SIPA1L2: variants seen among roughly 807,000 people sequenced by gnomAD.
SIPA1L2 encodes signal induced proliferation associated 1 like 2.
SIPA1L2 carries 56 observed loss-of-function variants against 163.9 expected under a neutral mutation model. That is an observed-to-expected ratio of 0.34 (90% CI 0.28 to 0.43). SIPA1L2 has a LOEUF of 0.43. Ranked by LOEUF, SIPA1L2 falls within the 20% of genes least tolerant of loss-of-function variation. The pLI is 1.00. For missense variants in SIPA1L2, 1,974 were observed against 2,193.5 expected, an observed-to-expected ratio of 0.90 and a Z score of 2.00; for synonymous variants, 877 against 865.7, an observed-to-expected ratio of 1.01 and a Z score of -0.23.
intron 7 of SIPA1L2, 139 bp downstream of exon 7, chr1:232,479,488 A>C (rs975260602): frequency 4.5e-5 from 30 of 673,224 alleles, no homozygotes; most frequent in Non-Finnish European, 7.2e-5. Context: ...CCAAATGATC[A>C]AAGAGTCAAA....
Position 232,515,021 on chromosome 1 carries a change from A to T in SIPA1L2, c.319T>A (p.Tyr107Asn). ...TGCAGGACAGAAGTGATGCTTTCAT[A>T]ACTGGTCTGAGACCGGCTTTCCCAC... Reference protein sequence around the residue: ...ALWESRSQTSYESITSVLQNG... With the variant: ...ALWESRSQTSNESITSVLQNG... Residue 107 changes from tyrosine (Y) to asparagine (N), a missense_variant, in exon 3 of 23, where the codon TAT becomes AAT. Physicochemically the swap from Tyr to Asn is moderately radical, Grantham distance 143 (BLOSUM62 -2). Transcript: ENST00000674635. The T allele has an allele frequency of 1.2e-6, 2 of 1,614,136 alleles. No homozygotes were observed. Among genetic ancestry groups the T allele is most frequent in the South Asian group, 2.2e-5 (2 of 91,082 alleles).
chr1:232,610,254 G>GA (rs1368477630), intron 1 of SIPA1L2, among the ~76,000 whole-genome samples: 4 of 152,114 alleles, frequency 2.6e-5, no homozygotes, highest in Non-Finnish European at 5.9e-5. Flanking sequence ...TGAGGGATTG[G>GA]AAATTAAGGA....
intron 10 of SIPA1L2, among the ~76,000 whole-genome samples, chr1:232,451,403 A>G (rs939979487): frequency 6.6e-6 from 1 of 152,140 alleles, no homozygotes; most frequent in African/African-American, 2.4e-5. Flanking sequence ...ACCCCAGCTC[A>G]TGTGGAGTGT....
chr1:232,547,504 C>T (rs373444092), intron 2 of SIPA1L2, among the ~76,000 whole-genome samples: 2 of 131,526 alleles, frequency 1.5e-5, no homozygotes, highest in South Asian at 2.5e-4. Flanking sequence ...TCTATTCAAG[C>T]GTGTTTCCAG....
chr1:232,425,580 C>T lies in SIPA1L2; in HGVS notation c.4630+9G>A, dbSNP rs1380382595. The T allele has an allele frequency of 1.9e-6, 3 of 1,560,210 alleles. No individual in the cohort carries two copies. Among genetic ancestry groups the T allele is most frequent in the African/African-American group, 1.3e-5 (1 of 74,182 alleles). Reference sequence around the variant, plus strand: ...GCGCTGGCCAGGGAGCAGCCAGCCCCTCACTTACTTCTCAGGCTCCCCATG... The same window carrying T: ...GCGCTGGCCAGGGAGCAGCCAGCCCTTCACTTACTTCTCAGGCTCCCCATG... On this transcript the variant is annotated intron_variant, in intron 18 of 22. Coordinates refer to ENST00000674635, the MANE Select transcript of SIPA1L2 (RefSeq NM_020808.5).
rs1316895847 is a variant in SIPA1L2, at chr1:232,601,763, T to A, written c.-318-27541A>T. On this transcript the variant is annotated intron_variant, in intron 1 of 22. Transcript: ENST00000674635. The stretch of plus-strand genomic sequence containing the variant: ...GTCAAAGGTAACAATTTTACTTGTA[T>A]TCTTTACAGTACATTTTTCAACCAG... 2.0e-5 allele frequency among the ~76,000 whole-genome samples: 3 copies of A among 152,230 alleles called. No homozygotes were observed. In the East Asian group the frequency reaches 5.8e-4, roughly 29 times the overall value.
intron 1 of SIPA1L2, among the ~76,000 whole-genome samples, chr1:232,585,754 A>C (rs749309526): frequency 2.6e-5 from 4 of 152,242 alleles, no homozygotes; most frequent in Non-Finnish European, 5.9e-5. Context: ...CACAGAGAAG[A>C]AGCTGCTAAG....
At chr1:232,426,710 G>C (rs1661927619) in intron 17 of SIPA1L2, among the ~76,000 whole-genome samples, 1 of 152,086 alleles carries the variant, frequency 6.6e-6, no homozygotes, top group Non-Finnish European at 1.5e-5. Flanking sequence ...GTTGAAAATT[G>C]AGTTACAATA....
At chr1:232,425,324 T>C (rs1661825023) in intron 18 of SIPA1L2, among the ~76,000 whole-genome samples, 1 of 152,174 alleles carries the variant, frequency 6.6e-6, no homozygotes, top group African/African-American at 2.4e-5. Flanking sequence ...TGAGATATGA[T>C]GCAGAAGTCA....
chr1:232,422,272 C>T (rs2102801684), intron 18 of SIPA1L2, among the ~76,000 whole-genome samples: 1 of 152,320 alleles, frequency 6.6e-6, no homozygotes, highest in South Asian at 2.1e-4. Context: ...AGATACAGCA[C>T]ATTGCAGTGA....
intron 3 of SIPA1L2, among the ~76,000 whole-genome samples, chr1:232,505,446 TAA>T (rs967332413): frequency 2.0e-5 from 3 of 152,220 alleles, no homozygotes; most frequent in Non-Finnish European, 2.9e-5. Context: ...AAAGAAATAT[TAA>T]GTCTTATTCC....
intron 15 of SIPA1L2, among the ~76,000 whole-genome samples, chr1:232,437,725 T>C (rs868740674): frequency 6.6e-6 from 1 of 152,040 alleles, no homozygotes; most frequent in Non-Finnish European, 1.5e-5. Flanking sequence ...TAGGAACATG[T>C]GAGGAGATAC....
chr1:232,598,237 TAAAAA>T (rs10536551), intron 1 of SIPA1L2, among the ~76,000 whole-genome samples: 1 of 98,468 alleles, frequency 1.0e-5, no homozygotes, highest in Non-Finnish European at 2.5e-5. Context: ...CCCTGTCTGT[TAAAAA>T]AAAAAAAAAA....
Position 232,456,551 on chromosome 1 carries a change from A to C in SIPA1L2, c.3095+4336T>G, listed in dbSNP as rs1406071093. ...GGAATTTCATTTCCATTTTTATTGGACATATTTACTAAATTCACTCACATT... is the reference window on the plus strand; with the variant it reads ...GGAATTTCATTTCCATTTTTATTGGCCATATTTACTAAATTCACTCACATT... On this transcript the variant is annotated intron_variant, in intron 10 of 22. Coordinates refer to ENST00000674635, the MANE Select transcript of SIPA1L2 (RefSeq NM_020808.5). 1.3e-5 allele frequency among the ~76,000 whole-genome samples: 2 copies of C among 152,220 alleles called. 1 individual carries two copies. The highest frequency in any genetic ancestry group is 4.8e-5 in the African/African-American group (2 of 41,458).
At chr1:232,427,055 A>C (rs575064565) in intron 17 of SIPA1L2, among the ~76,000 whole-genome samples, 15 of 152,354 alleles carry the variant, frequency 9.8e-5, no homozygotes, top group Non-Finnish European at 1.9e-4. Context: ...TGTGTGAGTT[A>C]CAAAGTTAAA....
rs111293905 is a variant in SIPA1L2 at position 232,608,330 on chromosome 1, G to A, written c.-319+21539C>T. Among the ~76,000 whole-genome samples, 616 of 152,318 alleles carry A rather than the reference G, an allele frequency of 4.0e-3. 3 individuals are homozygous for A. The highest frequency in any genetic ancestry group is 0.014 in the African/African-American group (571 of 41,574). The stretch of plus-strand genomic sequence containing the variant: ...CCCAAAGTACTGGGATCACAGGCAT[G>A]AGCCACTGCACCCAACCCCATATTT... On this transcript the variant is annotated intron_variant, in intron 1 of 22. Coordinates refer to ENST00000674635, the MANE Select transcript of SIPA1L2 (RefSeq NM_020808.5).
intron 5 of SIPA1L2, among the ~76,000 whole-genome samples, chr1:232,487,309 T>C (rs1665689787): frequency 6.6e-6 from 1 of 152,172 alleles, no homozygotes; most frequent in African/African-American, 2.4e-5. Flanking sequence ...CTCGAGCATA[T>C]CTTTGAGTGT....
At chr1:232,628,353 C>G (rs1663190342) in intron 1 of SIPA1L2, among the ~76,000 whole-genome samples, 2 of 152,150 alleles carry the variant, frequency 1.3e-5, no homozygotes, top group African/African-American at 4.8e-5. Context: ...GTGATTTATA[C>G]CCAAAACTTA....
intron 2 of SIPA1L2, among the ~76,000 whole-genome samples, chr1:232,528,827 C>T (rs1667841512): frequency 6.6e-6 from 1 of 152,196 alleles, no homozygotes. Context: ...AACTTCACAA[C>T]ACCACTCCCA....
Sources: gnomAD v4.1 joint callset for allele counts (sites outside exome capture counted in the v4.1 genomes callset) on GRCh38, gnomAD v4.1.1 for gene constraint, MANE v1.5 for transcripts, NCBI Gene and HGNC (gene_info 2026-07-23, HGNC 2026-07-21) for gene names.